The following BLTP1 variants were observed in gnomAD, a reference collection of about 807,000 sequenced individuals.
BLTP1 encodes bridge-like lipid transfer protein family member 1, also known as fragile site-associated protein.
chr4:122,295,515 C>CTTT, the BLTP1 span, among the ~76,000 whole-genome samples: 27 of 151,898 alleles, frequency 1.8e-4, no homozygotes, highest in Non-Finnish European at 4.0e-4. Context: ...GCCAGATGTA[C>CTTT]AAAGAAGAGC....
the BLTP1 span, chr4:122,226,892 A>T: frequency 7.4e-7 from 1 of 1,349,242 alleles, no homozygotes; most frequent in Non-Finnish European, 1.0e-6. Flanking sequence ...TAAAAAATGG[A>T]ATATTGAGAT....
chr4:122,202,561 G>T, the BLTP1 span: 1 of 969,258 alleles, frequency 1.0e-6, no homozygotes, highest in Non-Finnish European at 1.2e-6. Flanking sequence ...CTAGCCTTTT[G>T]CTTCTCACTT....
the BLTP1 span, among the ~76,000 whole-genome samples, chr4:122,354,620 G>A: frequency 6.6e-6 from 1 of 151,356 alleles, no homozygotes; most frequent in Admixed American, 6.6e-5. Context: ...TAGATTGACA[G>A]GTGTTGAGAC....
chr4:122,210,130 A>G, the BLTP1 span: 18 of 421,230 alleles, frequency 4.3e-5, no homozygotes, highest in East Asian at 2.6e-3. Flanking sequence ...GGCTTCTATT[A>G]TCTTCTATTA....
chr4:122,286,436 T>A, the BLTP1 span: 9 of 1,532,480 alleles, frequency 5.9e-6, no homozygotes, highest in African/African-American at 4.1e-5. Flanking sequence ...AAGATAGGTT[T>A]GGGAATATCC....
chr4:122,180,403 T>C, the BLTP1 span, among the ~76,000 whole-genome samples: 1 of 152,218 alleles, frequency 6.6e-6, no homozygotes, highest in Non-Finnish European at 1.5e-5. Flanking sequence ...GAATGTGATA[T>C]AATGTTCAGA....
the BLTP1 span, chr4:122,185,464 A>G: frequency 9.3e-6 from 9 of 967,810 alleles, no homozygotes; most frequent in Non-Finnish European, 1.1e-5. Context: ...TGCCTCATCC[A>G]TCACTTTAAA....
chr4:122,238,802 TCCTCC>T, the BLTP1 span, among the ~76,000 whole-genome samples: 3 of 152,188 alleles, frequency 2.0e-5, no homozygotes, highest in African/African-American at 7.2e-5. Flanking sequence ...CTCCATTTCT[TCCTCC>T]TTTCTTTTTT....
chr4:122,347,293 C>G, the BLTP1 span: 2 of 944,374 alleles, frequency 2.1e-6, no homozygotes, highest in Non-Finnish European at 2.5e-6. Context: ...AGTGTATTCC[C>G]TCACCTGTAA....
At chr4:122,334,223 A>G in the BLTP1 span, 1 of 956,698 alleles carries the variant, frequency 1.0e-6, no homozygotes, top group South Asian at 1.8e-5. Flanking sequence ...CACAAAGCTA[A>G]CTTTTAAAAG....
the BLTP1 span, chr4:122,293,072 T>C: frequency 1.1e-6 from 1 of 945,340 alleles, no homozygotes; most frequent in Non-Finnish European, 1.3e-6. Context: ...AGGCTAGCTA[T>C]AATTTCAAAA....
the BLTP1 span, chr4:122,196,661 C>T: frequency 6.8e-6 from 11 of 1,608,212 alleles, no homozygotes; most frequent in Non-Finnish European, 9.3e-6. Flanking sequence ...TTTTTCTTTC[C>T]ACCTGACTAT....
At chr4:122,346,334 C>A in the BLTP1 span, 1 of 395,784 alleles carries the variant, frequency 2.5e-6, no homozygotes, top group Non-Finnish European at 3.4e-6. Context: ...ATAGAAAAGA[C>A]TGCTGTGTTA....
the BLTP1 span, chr4:122,315,702 C>A: frequency 1.2e-6 from 2 of 1,611,748 alleles, no homozygotes; most frequent in Admixed American, 3.3e-5. Flanking sequence ...AGTAAACTCA[C>A]TGTTAGAATT....
chr4:122,238,188 T>C, the BLTP1 span: 21 of 1,613,892 alleles, frequency 1.3e-5, no homozygotes, highest in Non-Finnish European at 1.7e-5. Context: ...CAAGTACCAT[T>C]ACGATCTCAT....
the BLTP1 span, among the ~76,000 whole-genome samples, chr4:122,326,942 T>C: frequency 6.6e-6 from 1 of 151,730 alleles, no homozygotes; most frequent in African/African-American, 2.4e-5. Flanking sequence ...AAATTTTCAA[T>C]GTAGGACTTA....
chr4:122,318,320 T>C, the BLTP1 span: 3 of 1,461,828 alleles, frequency 2.1e-6, no homozygotes, highest in African/African-American at 1.4e-5. Flanking sequence ...ACCTGACTTT[T>C]TCCTATCATA....
chr4:122,290,740 T>C, the BLTP1 span, among the ~76,000 whole-genome samples: 1 of 121,590 alleles, frequency 8.2e-6, no homozygotes, highest in Non-Finnish European at 1.6e-5. Flanking sequence ...TGAGCTGAGA[T>C]GGCGCCACTG....
chr4:122,207,020 C>A, the BLTP1 span: 6 of 1,227,038 alleles, frequency 4.9e-6, no homozygotes, highest in Non-Finnish European at 6.8e-6. Flanking sequence ...AAGAAAAATT[C>A]ATTTTTGACT....
Sources: allele counts gnomAD v4.1 joint callset (sites outside exome capture counted in the v4.1 genomes callset), GRCh38; gene constraint gnomAD v4.1.1; transcripts MANE v1.5; gene names NCBI Gene and HGNC (gene_info 2026-07-23, HGNC 2026-07-21).